The following STOX2 variants were observed in gnomAD, a reference collection of about 807,000 sequenced individuals.
STOX2 encodes the protein storkhead-box protein 2.
Under a neutral mutation model 60.9 loss-of-function variants are expected in STOX2, and 28 were observed. The ratio of observed to expected loss-of-function variants is 0.46; its 90% CI spans 0.34 to 0.63. The LOEUF (loss-of-function observed/expected upper bound fraction) is 0.63. Ranked by LOEUF, STOX2 falls within the 30% of genes least tolerant of loss-of-function variation. The pLI is 0.01. For synonymous variants in STOX2, 472 were observed against 463.9 expected, an observed-to-expected ratio of 1.02 and a Z score of -0.22; for missense variants, 1,024 against 1,187.7, an observed-to-expected ratio of 0.86 and a Z score of 2.03.
intron 2 of STOX2, among the ~76,000 whole-genome samples, chr4:184,005,255 T>G (rs932867728): frequency 6.6e-6 from 1 of 151,212 alleles, no homozygotes; most frequent in African/African-American, 2.5e-5. Flanking sequence ...AGGCCAGGAG[T>G]TTGAGACCAA....
intron 1 of STOX2, among the ~76,000 whole-genome samples, chr4:183,927,244 C>T (rs1742267241): frequency 6.6e-6 from 1 of 152,188 alleles, no homozygotes; most frequent in African/African-American, 2.4e-5. Flanking sequence ...CTGCACGGAA[C>T]CAGCTGTGTA....
chr4:184,001,432 G>A lies in STOX2; in HGVS notation c.274G>A (p.Val92Ile), dbSNP rs1438400441. 6.2e-7 allele frequency: 1 copy of A among 1,613,732 alleles called. No homozygotes were observed. Among genetic ancestry groups the A allele is most frequent in the African/African-American group, 1.3e-5 (1 of 74,872 alleles). ...AGCAATGAACTCGGCAAGAAAGCCTGTCACCCAAGAAGCACTGATGGAGCA... is the reference window on the plus strand; with the variant it reads ...AGCAATGAACTCGGCAAGAAAGCCTATCACCCAAGAAGCACTGATGGAGCA... ...ISAMNSARKP[V>I]TQEALMEHLT... The change falls in exon 2 of 4, where the codon GTC becomes ATC. Residue 92 changes from valine (V) to isoleucine (I), a missense_variant. Physicochemically the swap from Val to Ile is conservative, Grantham distance 29. Around this residue, in one of 3 missense-constraint regions of STOX2, gnomAD observed 4 missense variants for 19.1 expected, o/e 0.21. Coordinates refer to ENST00000308497, the MANE Select transcript of STOX2 (RefSeq NM_020225.3). This position sits in a 1 kb window ranked among gnomAD's most constrained non-coding sequence, Gnocchi z 4.2.
Position 184,009,302 on chromosome 4 carries a change from G to T in STOX2, c.464G>T (p.Ser155Ile). 6.2e-7 allele frequency: 1 copy of T among 1,613,928 alleles called. No homozygotes were observed. Residue 155 changes from serine to isoleucine, a missense_variant, in exon 3 of 4, where the codon AGT becomes ATT. Ser to Ile is a moderately radical substitution (Grantham distance 142). Transcript: ENST00000308497. The surrounding 1 kb of genome is among the most constrained non-coding windows in gnomAD (Gnocchi z 4.0). ...FITPSLIRTN[S>I]KWYHLDERIP... The stretch of plus-strand genomic sequence containing the variant: ...ACTCCTTCCCTCATAAGAACTAACA[G>T]TAAATGGTACCATTTGGACGAGAGG...
intron 1 of STOX2, among the ~76,000 whole-genome samples, chr4:183,880,700 T>G (rs931589161): frequency 3.9e-5 from 6 of 152,190 alleles, no homozygotes; most frequent in Non-Finnish European, 5.9e-5. Context: ...CCAGCAAAGT[T>G]TGTGAAAGAG....
intron 1 of STOX2, among the ~76,000 whole-genome samples, chr4:183,961,384 T>A (rs977335723): frequency 3.3e-5 from 5 of 152,146 alleles, no homozygotes; most frequent in Admixed American, 2.6e-4. Flanking sequence ...CTGCTGCTGC[T>A]GCATAGAACG....
At chr4:183,814,136 A>C (rs1739098710) in intron 1 of STOX2, among the ~76,000 whole-genome samples, 1 of 152,226 alleles carries the variant, frequency 6.6e-6, no homozygotes, top group South Asian at 2.1e-4. Flanking sequence ...TATAATCTAA[A>C]TGCCACGAAT....
Position 183,860,109 on chromosome 4 carries a change from A to G in STOX2, c.364+62054A>G, listed in dbSNP as rs532222027. ...TATTCTTTTTTTTTTACCGATGTCT[A>G]CCTATTTAGGATGTAGTTCACTGTG... On this transcript the variant is annotated intron_variant, in intron 1 of 2. Transcript: ENST00000513034. Among the ~76,000 whole-genome samples the G allele has an allele frequency of 4.0e-3, 600 of 151,590 alleles. 3 individuals are homozygous for G. The highest frequency in any genetic ancestry group is 8.3e-3 in the South Asian group (40 of 4,806).
At chr4:183,928,479 A>G (rs116669172) in intron 1 of STOX2, among the ~76,000 whole-genome samples, 2,024 of 152,356 alleles carry the variant, frequency 0.013, 57 homozygotes, top group African/African-American at 0.047. Flanking sequence ...GAAGAGAATA[A>G]CAGAGGAGAG....
chr4:183,950,349 G>C (rs900311528), intron 1 of STOX2, among the ~76,000 whole-genome samples: 3 of 152,218 alleles, frequency 2.0e-5, no homozygotes, highest in African/African-American at 7.2e-5. Context: ...GTGGGAGAGA[G>C]AGAGAGAGAC....
chr4:183,937,727 A>G (rs1311081519), intron 1 of STOX2, among the ~76,000 whole-genome samples: 1 of 152,218 alleles, frequency 6.6e-6, no homozygotes, highest in East Asian at 1.9e-4. Flanking sequence ...ATGATCCAGA[A>G]GTATGGAAAC....
intron 1 of STOX2, among the ~76,000 whole-genome samples, chr4:183,861,630 C>T (rs1411528190): frequency 6.6e-6 from 1 of 152,044 alleles, no homozygotes; most frequent in African/African-American, 2.4e-5. Flanking sequence ...GGTCCCTGGG[C>T]GCCGCAGCTT....
intron 1 of STOX2, among the ~76,000 whole-genome samples, chr4:183,996,361 C>G (rs893014764): frequency 4.6e-5 from 7 of 152,232 alleles, no homozygotes; most frequent in African/African-American, 1.7e-4. Flanking sequence ...GTGTTCTGAA[C>G]TAATTCTGAC....
intron 1 of STOX2, among the ~76,000 whole-genome samples, chr4:183,831,989 CTTTT>C (rs11310177): frequency 1.5e-5 from 2 of 135,814 alleles, no homozygotes; most frequent in Admixed American, 7.4e-5. Flanking sequence ...TCTTCTTCTT[CTTTT>C]TTTTTTTTTT....
rs116204701 is a variant in STOX2, at chr4:183,805,008, G to C, written c.364+6953G>C. ...TTAAAAGGGCTCATTAAACTGAAAC[G>C]GTGTCTGTGTCTTGCGACGGGTTGA... is the stretch of plus-strand genomic sequence containing the variant. On this transcript the variant is annotated intron_variant, in intron 1 of 2. Transcript: ENST00000513034. Among the ~76,000 whole-genome samples the C allele has an allele frequency of 7.6e-3, 1,157 of 152,292 alleles. 16 individuals are homozygous for C. Among genetic ancestry groups the C allele is most frequent in the African/African-American group, 0.026 (1,101 of 41,558 alleles).
At chr4:183,853,442 G>A (rs966880119) in intron 1 of STOX2, 2 of 152,202 alleles carry the variant, frequency 1.3e-5, no homozygotes, top group Admixed American at 6.5e-5. Flanking sequence ...GAGCAACCAG[G>A]GAAGGGACGA....
upstream of STOX2, among the ~76,000 whole-genome samples, chr4:183,904,645 T>C (rs1308113860): frequency 1.3e-5 from 2 of 152,244 alleles, no homozygotes; most frequent in Non-Finnish European, 1.5e-5. Flanking sequence ...TTATTTACCC[T>C]GGGTATCCCA....
In STOX2 at chr4:184,011,099, T is replaced by A; in HGVS notation, c.2261T>A (p.Met754Lys). The A allele has an allele frequency of 6.3e-7, 1 of 1,594,606 alleles. No homozygotes were observed. The highest frequency in any genetic ancestry group is 8.5e-7 in the Non-Finnish European group (1 of 1,171,546). The change falls in exon 3 of 4, where the codon ATG becomes AAG. Residue 754 changes from methionine to lysine, a missense_variant. Physicochemically the swap from Met to Lys is moderately conservative, Grantham distance 95. Transcript: ENST00000308497. The surrounding 1 kb of genome is among the most constrained non-coding windows in gnomAD (Gnocchi z 4.4). ...PSLGTSAAQA[M>K]PASQRQQESG... ...CTGGGGACCTCGGCGGCACAAGCCA[T>A]GCCTGCTTCCCAGCGTCAGCAGGAG...
chr4:183,992,686 T>A (rs1354807306), intron 1 of STOX2, among the ~76,000 whole-genome samples: 1 of 152,250 alleles, frequency 6.6e-6, no homozygotes, highest in African/African-American at 2.4e-5. Context: ...CATAACTTTA[T>A]CCTTGTTGGT....
rs181444952 is a variant in STOX2 at position 183,862,442 on chromosome 4, G to T, written c.364+64387G>T. Among the ~76,000 whole-genome samples the T allele has an allele frequency of 1.2e-4, 19 of 152,328 alleles. No homozygotes were observed. In the East Asian group the frequency reaches 3.7e-3, roughly 29 times the overall value. On this transcript the variant is annotated intron_variant, in intron 1 of 2. Transcript: ENST00000513034. ...CAAAGTGCTGTGATTATAGGCATGAGCTACTGTGCCCAGCCAATGTTAAGT... is the reference window on the plus strand; with the variant it reads ...CAAAGTGCTGTGATTATAGGCATGATCTACTGTGCCCAGCCAATGTTAAGT...
Sources: gnomAD v4.1 joint callset for allele counts (sites outside exome capture counted in the v4.1 genomes callset) on GRCh38, gnomAD v4.1.1 for gene constraint, gnomAD v4.1.1 regional missense constraint, Gnocchi (gnomAD v3.1) non-coding constraint, MANE v1.5 for transcripts, NCBI Gene and HGNC (gene_info 2026-07-23, HGNC 2026-07-21) for gene names.